SORBS2: variants seen among roughly 807,000 people sequenced by gnomAD.
SORBS2 encodes the protein sorbin and SH3 domain containing 2, also known as sorbin and SH3 domain-containing protein 2.
In SORBS2, 46 loss-of-function variants were observed where a neutral mutation model predicts 97.7. The observed-to-expected ratio is 0.47, with a 90% CI of 0.37 to 0.60. The LOEUF (loss-of-function observed/expected upper bound fraction) is 0.60. Among genes scored for constraint, SORBS2 ranks in the 20% least tolerant of loss-of-function variants. The pLI, the probability that SORBS2 is intolerant of heterozygous loss-of-function variation, is 0.00. For synonymous variants in SORBS2, 476 were observed against 473.4 expected, an observed-to-expected ratio of 1.01 and a Z score of -0.07; for missense variants, 1,316 against 1,282.3, an observed-to-expected ratio of 1.03 and a Z score of -0.40.
chr4:185,805,761 A>G (rs1209606931), intron 1 of SORBS2, among the ~76,000 whole-genome samples: 1 of 152,226 alleles, frequency 6.6e-6, no homozygotes, highest in Non-Finnish European at 1.5e-5. Flanking sequence ...TGAGCAAACT[A>G]AAATATGTAG....
intron 1 of SORBS2, among the ~76,000 whole-genome samples, chr4:185,887,461 G>A (rs760365223): frequency 6.6e-6 from 1 of 152,182 alleles, no homozygotes; most frequent in Non-Finnish European, 1.5e-5. Context: ...ATCAAAACTT[G>A]CGGGCATCGC....
intron 1 of SORBS2, among the ~76,000 whole-genome samples, chr4:185,881,406 C>T (rs962619365): frequency 5.3e-5 from 8 of 152,104 alleles, no homozygotes; most frequent in Admixed American, 2.6e-4. Flanking sequence ...ACAGAAAGTG[C>T]TCCAGGAAAA....
intron 1 of SORBS2, among the ~76,000 whole-genome samples, chr4:185,656,327 T>A (rs2097400323): frequency 6.6e-6 from 1 of 152,212 alleles, no homozygotes; most frequent in South Asian, 2.1e-4. Flanking sequence ...TTTAAACTCT[T>A]CTGTCTGTAT....
chr4:185,938,063 G>A (rs10024864), intron 1 of SORBS2, among the ~76,000 whole-genome samples: 44,446 of 144,122 alleles, frequency 0.31, 7,020 homozygotes, highest in Middle Eastern at 0.35. Flanking sequence ...AGGCTGGAGT[G>A]CAGTGGCATG....
intron 1 of SORBS2, among the ~76,000 whole-genome samples, chr4:185,814,812 A>C (rs28427146): frequency 6.6e-6 from 1 of 151,936 alleles, no homozygotes; most frequent in Non-Finnish European, 1.5e-5. Flanking sequence ...CTCTGCTGCC[A>C]GTCTGTTCTT....
intron 2 of SORBS2, among the ~76,000 whole-genome samples, chr4:185,730,170 T>A (rs1452864047): frequency 1.3e-5 from 2 of 152,130 alleles, no homozygotes; most frequent in African/African-American, 4.8e-5. Flanking sequence ...GCCAGGATGG[T>A]CTCGATCTGT....
chr4:185,695,208 G>T (rs1056805359), intron 2 of SORBS2, among the ~76,000 whole-genome samples: 5 of 152,020 alleles, frequency 3.3e-5, no homozygotes, highest in African/African-American at 9.7e-5. Context: ...TGATTATCAG[G>T]CATCCCATTC....
intron 1 of SORBS2, among the ~76,000 whole-genome samples, chr4:185,857,146 G>C (rs535063088): frequency 7.1e-4 from 108 of 152,272 alleles, no homozygotes; most frequent in African/African-American, 2.5e-3. Flanking sequence ...AGGAAGTCAG[G>C]GACCCTGAAT....
At chr4:185,601,262 G>C (rs1442265110) in intron 12 of SORBS2, among the ~76,000 whole-genome samples, 1 of 152,180 alleles carries the variant, frequency 6.6e-6, no homozygotes, top group African/African-American at 2.4e-5. Flanking sequence ...GGGCCAGGCT[G>C]TTGGGTAGGC....
At chr4:185,586,339 G>GA (rs1217651364) in exon 15 of SORBS2, 1 of 152,552 alleles carries the variant, frequency 6.6e-6, no homozygotes, top group African/African-American at 2.4e-5. Flanking sequence ...CTTCAGGGCA[G>GA]AAAATAAAAC....
At chr4:185,709,941 T>A (rs972098872) in intron 2 of SORBS2, 4 of 151,790 alleles carry the variant, frequency 2.6e-5, no homozygotes, top group African/African-American at 4.8e-5. Context: ...TGTAATTGAC[T>A]AAGGTGACTC....
At chr4:185,805,183 T>A (rs1011248259) in intron 1 of SORBS2, among the ~76,000 whole-genome samples, 1 of 152,164 alleles carries the variant, frequency 6.6e-6, no homozygotes, top group Non-Finnish European at 1.5e-5. Flanking sequence ...TGGTAATATT[T>A]CTGTCTTATA....
At chr4:185,666,082 A>T in intron 4 of SORBS2, 1 of 1,289,766 alleles carries the variant, frequency 7.8e-7, no homozygotes, top group Non-Finnish European at 1.0e-6. Context: ...GCCTGGTGAG[A>T]AAGTGGCTCG....
chr4:185,807,036 G>A (rs2099159889), intron 1 of SORBS2, among the ~76,000 whole-genome samples: 1 of 151,934 alleles, frequency 6.6e-6, no homozygotes, highest in South Asian at 2.1e-4. Flanking sequence ...TTTAACCACT[G>A]GGAAAACATC....
chr4:185,722,410 T>C (rs1178603418), intron 2 of SORBS2, among the ~76,000 whole-genome samples: 1 of 152,244 alleles, frequency 6.6e-6, no homozygotes, highest in East Asian at 1.9e-4. Flanking sequence ...ATTTAAAAAG[T>C]GGCATTATTT....
intron 3 of SORBS2, 47 bp from the exon 13 acceptor site, chr4:185,646,829 A>AAGGC (rs748537731): frequency 9.1e-7 from 1 of 1,100,886 alleles, no homozygotes; most frequent in Non-Finnish European, 1.4e-6. Flanking sequence ...CTTTTTGCTT[A>AAGGC]AAGCAATTGT....
At chr4:185,809,220 G>C (rs2099168892) in intron 1 of SORBS2, among the ~76,000 whole-genome samples, 1 of 151,868 alleles carries the variant, frequency 6.6e-6, no homozygotes, top group Non-Finnish European at 1.5e-5. Context: ...CAAAATTCTG[G>C]ACACTGGACA....
intron 1 of SORBS2, among the ~76,000 whole-genome samples, chr4:185,786,330 T>C (rs2099056235): frequency 6.6e-6 from 1 of 152,208 alleles, no homozygotes; most frequent in Admixed American, 6.5e-5. Flanking sequence ...GGAAAGGTAG[T>C]GGCGTTAAAA....
At position 185,646,688 on chromosome 4, in the gene SORBS2, T is replaced by C. The variant is rs376289496; in HGVS notation, c.376A>G (p.Ile126Val). Reference sequence around the variant, plus strand: ...CTTACTGGTCTTTCATGCTGAAGAATTGATGACTTGCCAGGTTCATATTCA... The same window carrying C: ...CTTACTGGTCTTTCATGCTGAAGAACTGATGACTTGCCAGGTTCATATTCA... Residue 126 changes from isoleucine to valine, a missense_variant, in exon 4 of 15, where the codon ATT becomes GTT. By Grantham distance (29) the Ile-to-Val change is conservative. Coordinates refer to ENST00000418609, the Ensembl canonical transcript of SORBS2. 61 of 1,611,824 alleles carry C rather than the reference T, an allele frequency of 3.8e-5. No homozygotes were observed. The highest frequency in any genetic ancestry group is 2.5e-4 in the East Asian group (11 of 44,866).
Sources: allele counts gnomAD v4.1 joint callset (sites outside exome capture counted in the v4.1 genomes callset), GRCh38; gene constraint gnomAD v4.1.1; transcripts MANE v1.5; gene names NCBI Gene and HGNC (gene_info 2026-07-23, HGNC 2026-07-21).